SGPP2: variants seen among roughly 807,000 people sequenced by gnomAD.
SGPP2 encodes sphingosine 1-phosphate phosphohydrolase 2.
Under a neutral mutation model 33.9 loss-of-function variants are expected in SGPP2, and 30 were observed. The observed-to-expected ratio is 0.89, with a 90% CI of 0.66 to 1.20. The LOEUF is 1.20. Ranked by LOEUF, SGPP2 falls within the 50% of genes most tolerant of loss-of-function variation. The pLI, the probability that SGPP2 is intolerant of heterozygous loss-of-function variation, is 0.00. For synonymous variants in SGPP2, 233 were observed against 225.0 expected (o/e 1.04, Z -0.32); for missense variants, 458 against 532.1 (o/e 0.86, Z 1.37).
chr2:222,478,659 G>A (rs1697986729), intron 2 of SGPP2, among the ~76,000 whole-genome samples: 1 of 152,174 alleles, frequency 6.6e-6, no homozygotes, highest in South Asian at 2.1e-4. Context: ...GTTCAGGACT[G>A]CCAAAGCTTG....
rs1270724821 is a variant in SGPP2 at position 222,558,453 on chromosome 2, G to T, written c.755G>T (p.Cys252Phe). Residue 252 changes from cysteine (C) to phenylalanine (F), a missense_variant, in exon 5 of 5, where the codon TGT becomes TTT. Transcript: ENST00000321276. ...LDSASPLFPV[C>F]VIVVPFFLCY... is the part of the protein sequence containing the mutation. ...TCGGCCAGCCCCCTCTTCCCCGTGT[G>T]TGTCATAGTTGTGCCATTCTTCCTG... 7 of 1,614,042 alleles carry T rather than the reference G, an allele frequency of 4.3e-6. No individual in the cohort carries two copies. Among genetic ancestry groups the T allele is most frequent in the Non-Finnish European group, 5.9e-6 (7 of 1,180,046 alleles).
At chr2:222,543,208 A>G (rs534746045) in intron 4 of SGPP2, among the ~76,000 whole-genome samples, 2 of 152,278 alleles carry the variant, frequency 1.3e-5, no homozygotes, top group Admixed American at 6.5e-5. Context: ...TGTTTTTCTT[A>G]TTTAGATCTA....
At chr2:222,514,069 G>A (rs1265737825) in intron 2 of SGPP2, among the ~76,000 whole-genome samples, 1 of 152,030 alleles carries the variant, frequency 6.6e-6, no homozygotes, top group Admixed American at 6.6e-5. Flanking sequence ...AAAATTCATA[G>A]ATAATATGAC....
At chr2:222,508,710 A>G (rs185388980) in intron 2 of SGPP2, among the ~76,000 whole-genome samples, 1 of 152,284 alleles carries the variant, frequency 6.6e-6, no homozygotes, top group Admixed American at 6.5e-5. Context: ...GAATGAGAAA[A>G]TGTTGTAACT....
intron 2 of SGPP2, among the ~76,000 whole-genome samples, chr2:222,500,604 T>C (rs891973677): frequency 1.3e-5 from 2 of 152,118 alleles, no homozygotes; most frequent in South Asian, 2.1e-4. Flanking sequence ...TGGAAACATA[T>C]GTTGTGTGAA....
rs922431756 is a variant in SGPP2, at chr2:222,476,351, G to A, written c.378+1625G>A. On this transcript the variant is annotated intron_variant, in intron 2 of 4. Transcript: ENST00000321276. The surrounding 1 kb of genome is among the most constrained non-coding windows in gnomAD (Gnocchi z 4.3). ...GGGTATCCACACAAATTCTTCACCA[G>A]GTGGTGACAGAGGGACTAGGGAGCA... 2.6e-5 allele frequency among the ~76,000 whole-genome samples: 4 copies of A among 152,132 alleles called. No homozygotes were observed. Among genetic ancestry groups the A allele is most frequent in the African/African-American group, 9.7e-5 (4 of 41,398 alleles).
In SGPP2 at chr2:222,489,416, A is replaced by G. The variant is rs1190007752; in HGVS notation, c.378+14690A>G. ...GACTGTTAATTAGAATGTATTAAGA[A>G]AAAAAAAAAAAGATCAGGGCTCATT... On this transcript the variant is annotated intron_variant, in intron 2 of 4. Coordinates refer to ENST00000321276, the MANE Select transcript of SGPP2 (RefSeq NM_152386.4). Among the ~76,000 whole-genome samples, 4 of 148,970 alleles carry G rather than the reference A, an allele frequency of 2.7e-5. No individual in the cohort carries two copies. The South Asian group carries it at 6.3e-4, about 23-fold the overall frequency.
chr2:222,468,384 TAA>T (rs61207611), intron 1 of SGPP2, among the ~76,000 whole-genome samples: 8 of 142,646 alleles, frequency 5.6e-5, no homozygotes, highest in Admixed American at 7.1e-5. Flanking sequence ...TCCTTCCTTG[TAA>T]AAAAAAAAAA....
At chr2:222,496,129 T>G (rs1698277103) in intron 2 of SGPP2, among the ~76,000 whole-genome samples, 1 of 152,206 alleles carries the variant, frequency 6.6e-6, no homozygotes, top group South Asian at 2.1e-4. Context: ...TAAATCCAGA[T>G]TTGCTTTTTA....
In SGPP2 at chr2:222,550,026, G is replaced by A. The variant is rs1049878301; in HGVS notation, c.649-8321G>A. 3.3e-5 allele frequency among the ~76,000 whole-genome samples: 5 copies of A among 151,778 alleles called. No homozygotes were observed. The highest frequency in any genetic ancestry group is 1.3e-4 in the Admixed American group (2 of 15,240). On this transcript the variant is annotated intron_variant, in intron 4 of 4. Coordinates refer to ENST00000321276, the MANE Select transcript of SGPP2 (RefSeq NM_152386.4). The surrounding 1 kb of genome is among the most constrained non-coding windows in gnomAD (Gnocchi z 4.5). Reference sequence around the variant, plus strand: ...TGAGTAGCTGGAACTACAGGCACGCGCCACCACGTCTGGTTAATTTTTTTG... The same window carrying A: ...TGAGTAGCTGGAACTACAGGCACGCACCACCACGTCTGGTTAATTTTTTTG...
intron 4 of SGPP2, among the ~76,000 whole-genome samples, chr2:222,544,740 A>G (rs984965413): frequency 5.9e-5 from 9 of 152,322 alleles, no homozygotes; most frequent in East Asian, 3.9e-4. Context: ...TGGAGGGCCA[A>G]CTATAATATA....
At chr2:222,485,476 G>A (rs541229276) in intron 2 of SGPP2, among the ~76,000 whole-genome samples, 3 of 152,298 alleles carry the variant, frequency 2.0e-5, no homozygotes, top group East Asian at 1.9e-4. Flanking sequence ...CTTTTGTTTC[G>A]GAGCTGGAGG....
At chr2:222,430,686 G>T (rs1325793684) in intron 1 of SGPP2, among the ~76,000 whole-genome samples, 1 of 152,102 alleles carries the variant, frequency 6.6e-6, no homozygotes, top group Non-Finnish European at 1.5e-5. Flanking sequence ...AGAAAGAGAA[G>T]GGGGAAAAAA....
In SGPP2 at chr2:222,540,817, G is replaced by GTTTT. The variant is rs750932260; in HGVS notation, c.648+15800_648+15803dup. On this transcript the variant is annotated intron_variant, in intron 4 of 4. Transcript: ENST00000321276. ...CATAATTTTGTTTAGCTTATAAACT[G>GTTTT]TTTTTTTTTTTTTTTTTTTGGAGAC... is the stretch of plus-strand genomic sequence containing the variant. 4.9e-4 allele frequency among the ~76,000 whole-genome samples: 53 copies of GTTTT among 108,424 alleles called. 1 individual carries two copies. The highest frequency in any genetic ancestry group is 1.0e-3 in the South Asian group (3 of 2,968). 71.1% of individuals were successfully genotyped at this position (108,424 alleles called of 152,430 possible). A position where few individuals can be genotyped will look rare whatever the true frequency, so the allele number is the denominator to read the frequency against.
At chr2:222,486,363 C>A (rs1698108868) in intron 2 of SGPP2, among the ~76,000 whole-genome samples, 2 of 152,148 alleles carry the variant, frequency 1.3e-5, no homozygotes, top group African/African-American at 2.4e-5. Flanking sequence ...TTATTAGCAT[C>A]ATCGTTATTA....
upstream of SGPP2, chr2:222,424,460 A>G (rs1697026034): frequency 3.3e-6 from 1 of 303,082 alleles, no homozygotes; most frequent in African/African-American, 2.3e-5. Context: ...CGGGCGGCGC[A>G]CCTGTTGGCT....
chr2:222,447,408 G>A (rs1697413944), intron 1 of SGPP2, among the ~76,000 whole-genome samples: 1 of 152,174 alleles, frequency 6.6e-6, no homozygotes, highest in Admixed American at 6.5e-5. Context: ...CAAGCCACAA[G>A]AAAGTGGGTA....
intron 2 of SGPP2, among the ~76,000 whole-genome samples, chr2:222,492,430 CT>C (rs1698211521): frequency 6.6e-6 from 1 of 152,256 alleles, no homozygotes; most frequent in Non-Finnish European, 1.5e-5. Context: ...GGCTTGCACC[CT>C]GTGAAGCAAT....
chr2:222,531,336 T>A (rs1168911613), intron 4 of SGPP2, among the ~76,000 whole-genome samples: 1 of 152,188 alleles, frequency 6.6e-6, no homozygotes, highest in Non-Finnish European at 1.5e-5. Context: ...CGATGGAGTA[T>A]TAGCCTTAAA....
Sources: allele counts gnomAD v4.1 joint callset (sites outside exome capture counted in the v4.1 genomes callset), GRCh38; gene constraint gnomAD v4.1.1; non-coding constraint Gnocchi (gnomAD v3.1); transcripts MANE v1.5; gene names NCBI Gene and HGNC (gene_info 2026-07-23, HGNC 2026-07-21).